The following GRM8 variants were observed in gnomAD, a reference collection of about 807,000 sequenced individuals.
The protein encoded by GRM8 is glutamate metabotropic receptor 8, also known as metabotropic glutamate receptor 8.
A neutral mutation model predicts 87.2 loss-of-function variants in GRM8; 47 were observed. That is an observed-to-expected ratio of 0.54 (90% confidence interval 0.43 to 0.69). The LOEUF (loss-of-function observed/expected upper bound fraction) is 0.69, where lower values mean the gene tolerates loss of function less well. Ranked by LOEUF, GRM8 falls within the 30% of genes least tolerant of loss-of-function variation. GRM8 has a pLI of 0.00. For missense variants in GRM8, 1,019 were observed against 1,139.2 expected (o/e 0.89, Z 1.52); for synonymous variants, 396 against 404.5 (o/e 0.98, Z 0.25).
At chr7:126,699,618 T>C (rs1376292666) in intron 7 of GRM8, among the ~76,000 whole-genome samples, 1 of 152,212 alleles carries the variant, frequency 6.6e-6, no homozygotes, top group African/African-American at 2.4e-5. Context: ...TTTTGACTTT[T>C]ATGTTTCTGC....
intron 3 of GRM8, among the ~76,000 whole-genome samples, chr7:126,920,224 C>G (rs1804372544): frequency 6.6e-6 from 1 of 152,258 alleles, no homozygotes. Context: ...AAAACCCAAC[C>G]AGGCTAACAT....
chr7:126,465,356 C>CAG lies in GRM8; in HGVS notation c.2431-18985_2431-18984insCT, dbSNP rs139356420. ...CTTGCCAGTTTTCGATACACACACA[C>CAG]ACACACACACACACACATCCCTACT... On this transcript the variant is annotated intron_variant, in intron 9 of 10. Coordinates refer to ENST00000339582, the MANE Select transcript of GRM8 (RefSeq NM_000845.3). The CAG allele has an allele frequency of 2.6e-5, 4 of 151,426 alleles. No individual in the cohort carries two copies. In the East Asian group the frequency reaches 7.8e-4, roughly 30 times the overall value. The allele number at this position is 151,426 out of a possible 1,614,324, so 9.4% of individuals were successfully genotyped here.
Position 126,446,151 on chromosome 7 carries a change from T to A in GRM8, c.2652A>T (p.Glu884Asp). Residue 884 changes from glutamate (E) to aspartate (D), a missense_variant, in exon 10 of 11, where the codon GAA (glutamate) becomes GAT (aspartate). By Grantham distance (45) the Glu-to-Asp change is conservative. Coordinates refer to ENST00000339582, the MANE Select transcript of GRM8 (RefSeq NM_000845.3). ...TGTTGGTTTCAAGACTCTCACAGAG[T>A]TCACTTTTCACCTCGCCATTTGGTC... ...NDRPNGEVKS[E>D]LCESLETNTS... 1 of 1,612,808 alleles carries A rather than the reference T, an allele frequency of 6.2e-7. No individual in the cohort carries two copies. The highest frequency in any genetic ancestry group is 8.5e-7 in the Non-Finnish European group (1 of 1,179,108).
At chr7:126,822,624 C>T (rs1794400324) in intron 6 of GRM8, among the ~76,000 whole-genome samples, 1 of 151,700 alleles carries the variant, frequency 6.6e-6, no homozygotes, top group Non-Finnish European at 1.5e-5. Flanking sequence ...AGTGTCTATT[C>T]ACAGGCATGG....
In GRM8 at chr7:127,240,424, C is replaced by CAAAAA. The variant is rs11305864; in HGVS notation, c.510+2266_510+2270dup. On this transcript the variant is annotated intron_variant, in intron 2 of 10. Transcript: ENST00000339582. ...TTTTGCAGATTGGCTGATTCTATGGCAAAAAAAAAAAAAAAATGCAAACAA... is the reference window on the plus strand; with the variant it reads ...TTTTGCAGATTGGCTGATTCTATGGCAAAAAAAAAAAAAAAAAAAAATGCAAACAA... 4.5e-3 allele frequency among the ~76,000 whole-genome samples: 632 copies of CAAAAA among 141,338 alleles called. 4 individuals carry two copies. Among genetic ancestry groups the CAAAAA allele is most frequent in the African/African-American group, 0.015 (566 of 38,198 alleles). 92.7% of individuals were successfully genotyped at this position (141,338 alleles called of 152,430 possible). A position where few individuals can be genotyped will look rare whatever the true frequency, so the allele number is the denominator to read the frequency against.
At chr7:126,828,869 G>T (rs751706950) in intron 6 of GRM8, among the ~76,000 whole-genome samples, 15 of 151,926 alleles carry the variant, frequency 9.9e-5, no homozygotes, top group Middle Eastern at 3.2e-3. Flanking sequence ...ACACACTGCT[G>T]TGAATGTGTC....
At chr7:127,097,829 T>C (rs1005120255) in intron 3 of GRM8, among the ~76,000 whole-genome samples, 19 of 152,228 alleles carry the variant, frequency 1.2e-4, no homozygotes, top group Non-Finnish European at 2.5e-4. Context: ...TTCTACTGCA[T>C]CAAACTGCCA....
chr7:127,103,582 G>A (rs184903615), intron 3 of GRM8, among the ~76,000 whole-genome samples: 5 of 152,156 alleles, frequency 3.3e-5, no homozygotes, highest in African/African-American at 1.2e-4. Flanking sequence ...TAGCAAAGCA[G>A]GAATGGTCTA....
chr7:126,965,499 A>G (rs1227674511), intron 3 of GRM8, among the ~76,000 whole-genome samples: 1 of 152,166 alleles, frequency 6.6e-6, no homozygotes, highest in Non-Finnish European at 1.5e-5. Flanking sequence ...ATTTCCTAGT[A>G]GTCACATTTT....
At chr7:127,053,816 A>T (rs1819723734) in intron 3 of GRM8, among the ~76,000 whole-genome samples, 1 of 148,872 alleles carries the variant, frequency 6.7e-6, no homozygotes, top group Non-Finnish European at 1.5e-5. Flanking sequence ...GGGAATATAC[A>T]TTTCATCTTG....
intron 7 of GRM8, among the ~76,000 whole-genome samples, chr7:126,716,389 GAA>G (rs559664483): frequency 7.1e-6 from 1 of 141,146 alleles, no homozygotes; most frequent in Admixed American, 7.1e-5. Flanking sequence ...TTTCTCTACA[GAA>G]AAAAAAAAAA....
chr7:126,958,843 T>G (rs1809022650), intron 3 of GRM8, among the ~76,000 whole-genome samples: 1 of 152,224 alleles, frequency 6.6e-6, no homozygotes, highest in Admixed American at 6.5e-5. Context: ...CCGCTCTCAA[T>G]CTCATGTGCA....
intron 6 of GRM8, among the ~76,000 whole-genome samples, chr7:126,801,723 C>T (rs145385304): frequency 2.1e-3 from 312 of 152,034 alleles, no homozygotes; most frequent in African/African-American, 7.4e-3. Context: ...ACAAAATATT[C>T]GGAAGGGGTC....
chr7:127,079,169 G>A (rs189396582), intron 3 of GRM8, among the ~76,000 whole-genome samples: 3 of 151,860 alleles, frequency 2.0e-5, no homozygotes, highest in Admixed American at 2.0e-4. Context: ...CTCTCAGGCT[G>A]GAGTGCAGTG....
At chr7:126,886,075 T>A (rs1423345012) in intron 6 of GRM8, among the ~76,000 whole-genome samples, 1 of 152,084 alleles carries the variant, frequency 6.6e-6, no homozygotes, top group Admixed American at 6.6e-5. Flanking sequence ...ACGTTCAGCT[T>A]AAGTGGCTTT....
intron 6 of GRM8, among the ~76,000 whole-genome samples, chr7:126,882,324 C>G (rs947452644): frequency 2.6e-5 from 4 of 151,816 alleles, no homozygotes; most frequent in African/African-American, 9.7e-5. Flanking sequence ...TTTGCTCTGT[C>G]TCTAATTCAA....
At chr7:126,521,450 G>A (rs1283578931) in intron 9 of GRM8, among the ~76,000 whole-genome samples, 1 of 151,704 alleles carries the variant, frequency 6.6e-6, no homozygotes, top group African/African-American at 2.4e-5. Context: ...CAATTAGTGT[G>A]GATGCTATTT....
intron 9 of GRM8, among the ~76,000 whole-genome samples, chr7:126,483,306 G>A (rs911999614): frequency 4.1e-5 from 6 of 146,346 alleles, no homozygotes; most frequent in African/African-American, 1.0e-4. Flanking sequence ...ATATATAAAC[G>A]TGTTATCTGT....
chr7:126,642,982 T>A (rs1198631074), intron 7 of GRM8, among the ~76,000 whole-genome samples: 1 of 152,078 alleles, frequency 6.6e-6, no homozygotes, highest in Admixed American at 6.5e-5. Flanking sequence ...ATGTTAACTA[T>A]CATTGTTAGT....
Sources: allele counts gnomAD v4.1 joint callset (sites outside exome capture counted in the v4.1 genomes callset), GRCh38; gene constraint gnomAD v4.1.1; transcripts MANE v1.5; gene names NCBI Gene and HGNC (gene_info 2026-07-23, HGNC 2026-07-21).